Variants in GRAMD1B observed in about 807,000 individuals in gnomAD.
The protein encoded by GRAMD1B is protein Aster-B.
GRAMD1B carries 37 observed loss-of-function variants against 99.7 expected under a neutral mutation model. That is an observed-to-expected ratio of 0.37 (90% CI 0.29 to 0.49). The LOEUF is 0.49. Ranked by LOEUF, GRAMD1B falls within the 20% of genes least tolerant of loss-of-function variation. GRAMD1B has a pLI of 0.98. For missense variants in GRAMD1B, 888 were observed against 1,009.2 expected (o/e 0.88, Z 1.63); for synonymous variants, 427 against 387.6 (o/e 1.10, Z -1.19).
chr11:123,534,251 A>G lies in GRAMD1B; in HGVS notation c.453-43116A>G, dbSNP rs540998202. Among the ~76,000 whole-genome samples the G allele has an allele frequency of 2.0e-5, 3 of 152,338 alleles. No individual in the cohort carries two copies. The South Asian group carries it at 6.2e-4, about 32-fold the overall frequency. ...TGTTAAGAAAGTCATAAGAGAATAT[A>G]TTTACTACTCATTAAGTGGAAGCAG... On this transcript the variant is annotated intron_variant, in intron 2 of 19. Coordinates refer to ENST00000635736, the MANE Select transcript of GRAMD1B (RefSeq NM_001387025.1).
At chr11:123,604,853 G>A (rs542790714) in intron 9 of GRAMD1B, among the ~76,000 whole-genome samples, 1 of 152,256 alleles carries the variant, frequency 6.6e-6, no homozygotes, top group Admixed American at 6.5e-5. Flanking sequence ...GGTGTATAAT[G>A]CAGGGAAGTT....
chr11:123,497,735 T>C (rs1044088048), intron 2 of GRAMD1B, among the ~76,000 whole-genome samples: 2 of 151,870 alleles, frequency 1.3e-5, no homozygotes, highest in African/African-American at 4.8e-5. Flanking sequence ...ACCCCGTCTC[T>C]ACTAAAAATA....
intron 2 of GRAMD1B, among the ~76,000 whole-genome samples, chr11:123,538,847 C>T (rs779932559): frequency 5.9e-5 from 9 of 152,064 alleles, no homozygotes; most frequent in Non-Finnish European, 1.2e-4. Context: ...TGGTCTTGAA[C>T]TCCTGATCTT....
intron 1 of GRAMD1B, among the ~76,000 whole-genome samples, chr11:123,450,287 C>G (rs1177950893): frequency 6.6e-6 from 1 of 152,174 alleles, no homozygotes; most frequent in African/African-American, 2.4e-5. Context: ...TACTTTTTCT[C>G]GTCTTCTGAT....
chr11:123,575,158 T>G (rs1948584572), intron 2 of GRAMD1B, among the ~76,000 whole-genome samples: 1 of 152,280 alleles, frequency 6.6e-6, no homozygotes, highest in African/African-American at 2.4e-5. Flanking sequence ...TGGTTTTGGA[T>G]AGTTGGAGTC....
chr11:123,564,980 G>A (rs559900641), intron 2 of GRAMD1B, among the ~76,000 whole-genome samples: 33 of 152,258 alleles, frequency 2.2e-4, no homozygotes, highest in African/African-American at 7.5e-4. Flanking sequence ...GTACTTAAGA[G>A]TTGACTGAGA....
chr11:123,407,915 C>A (rs991141278), intron 1 of GRAMD1B, among the ~76,000 whole-genome samples: 9 of 152,162 alleles, frequency 5.9e-5, no homozygotes, highest in African/African-American at 1.9e-4. Context: ...TGGCTCATTG[C>A]CCACTAAGGG....
rs149708213 is a variant in GRAMD1B, at chr11:123,414,788, T to C, written c.-176+55989T>C. Among the ~76,000 whole-genome samples the C allele has an allele frequency of 6.6e-5, 10 of 152,350 alleles. No homozygotes were observed. The East Asian group carries it at 1.9e-3, about 29-fold the overall frequency. ...TCAGTAAACTTATTCTAAGGATAAA[T>C]GAACAGATGAGTAAACCACGATTGA... is the stretch of plus-strand genomic sequence containing the variant. On this transcript the variant is annotated intron_variant, in intron 1 of 20. Coordinates refer to the GRAMD1B transcript ENST00000638157.
chr11:123,497,577 T>C (rs1281658543), intron 2 of GRAMD1B, among the ~76,000 whole-genome samples: 8 of 152,092 alleles, frequency 5.3e-5, no homozygotes, highest in Non-Finnish European at 8.8e-5. Context: ...GTAAAAAACC[T>C]TAGAAATTTA....
intron 1 of GRAMD1B, among the ~76,000 whole-genome samples, chr11:123,397,435 AAAC>A (rs1947506391): frequency 6.6e-6 from 1 of 151,998 alleles, no homozygotes; most frequent in African/African-American, 2.4e-5. Flanking sequence ...AAACAAAACA[AAAC>A]AAAAACAAAT....
intron 2 of GRAMD1B, among the ~76,000 whole-genome samples, chr11:123,540,246 T>G (rs1212827235): frequency 6.6e-6 from 1 of 151,838 alleles, no homozygotes; most frequent in Non-Finnish European, 1.5e-5. Flanking sequence ...GGTTGTTTTT[T>G]TTTTTGTATT....
In GRAMD1B at chr11:123,445,863, C is replaced by CCAG. The variant is rs1328491383; in HGVS notation, c.374+14698_374+14700dup. Among the ~76,000 whole-genome samples, 3 of 151,310 alleles carry CCAG rather than the reference C, an allele frequency of 2.0e-5. No homozygotes were observed. The East Asian group carries it at 5.8e-4, about 29-fold the overall frequency. On this transcript the variant is annotated intron_variant, in intron 1 of 19. Coordinates refer to ENST00000635736, the MANE Select transcript of GRAMD1B (RefSeq NM_001387025.1). ...ACAAGACAAACAAACAAAAACAACC[C>CCAG]CAGGAAAGAGGATTGGTTGCACTGT...
intron 3 of GRAMD1B, among the ~76,000 whole-genome samples, chr11:123,580,768 G>T (rs943986303): frequency 6.6e-6 from 1 of 152,174 alleles, no homozygotes; most frequent in Non-Finnish European, 1.5e-5. Context: ...CCGTTCTGCC[G>T]CTCTCCCACC....
At chr11:123,530,081 G>A (rs1456348586) in intron 2 of GRAMD1B, among the ~76,000 whole-genome samples, 2 of 152,152 alleles carry the variant, frequency 1.3e-5, no homozygotes, top group Non-Finnish European at 1.5e-5. Context: ...GGGGAGTTTC[G>A]AGTTTCTCCA....
rs1012485294 is a variant in GRAMD1B, at chr11:123,543,762, T to C, written c.453-33605T>C. Among the ~76,000 whole-genome samples the C allele has an allele frequency of 2.6e-5, 4 of 152,242 alleles. No individual in the cohort carries two copies. The East Asian group carries it at 7.7e-4, about 29-fold the overall frequency. Reference sequence around the variant, plus strand: ...CAGAAGAATTCGCCATTTCCTCCACTGATGCCATCCTTTATCTCAGGGGTC... The same window carrying C: ...CAGAAGAATTCGCCATTTCCTCCACCGATGCCATCCTTTATCTCAGGGGTC... On this transcript the variant is annotated intron_variant, in intron 2 of 19. Transcript: ENST00000635736.
chr11:123,391,019 G>A (rs1008442759), intron 1 of GRAMD1B, among the ~76,000 whole-genome samples: 9 of 152,194 alleles, frequency 5.9e-5, no homozygotes, highest in Admixed American at 2.6e-4. Flanking sequence ...CCGGAGGGAC[G>A]CACACAAGCA....
chr11:123,496,824 T>C (rs1939345895), intron 2 of GRAMD1B, among the ~76,000 whole-genome samples: 2 of 152,144 alleles, frequency 1.3e-5, no homozygotes, highest in African/African-American at 4.8e-5. Flanking sequence ...AATCTCTTTG[T>C]TAAATTTATC....
chr11:123,462,105 C>T (rs989242310), intron 1 of GRAMD1B, among the ~76,000 whole-genome samples: 13 of 151,792 alleles, frequency 8.6e-5, no homozygotes, highest in South Asian at 4.2e-4. Context: ...TAGCTGGGAC[C>T]ACAGGCGCCC....
intron 2 of GRAMD1B, among the ~76,000 whole-genome samples, chr11:123,482,897 A>G (rs572480293): frequency 1.3e-5 from 2 of 152,248 alleles, no homozygotes; most frequent in South Asian, 4.1e-4. Flanking sequence ...CGTCTCTACT[A>G]AAAATGCAAA....
Sources: gnomAD v4.1 joint callset for allele counts (sites outside exome capture counted in the v4.1 genomes callset) on GRCh38, gnomAD v4.1.1 for gene constraint, MANE v1.5 for transcripts, NCBI Gene and HGNC (gene_info 2026-07-23, HGNC 2026-07-21) for gene names.